Variants in FAM13A observed in about 807,000 individuals in gnomAD.
FAM13A encodes protein FAM13A.
FAM13A carries 76 observed loss-of-function variants against 129.6 expected under a neutral mutation model. That is an observed-to-expected ratio of 0.59 (90% CI 0.49 to 0.71). FAM13A has a LOEUF of 0.71. FAM13A is among the 30% of genes least tolerant of loss of function. The probability of loss-of-function intolerance (pLI) is 0.00; values close to 1 mark genes in which losing one functional copy is unlikely to be tolerated. For synonymous variants in FAM13A, 443 were observed against 449.9 expected (o/e 0.98, Z 0.20); for missense variants, 1,108 against 1,249.3 (o/e 0.89, Z 1.70).
At chr4:88,767,671 T>C (rs1284552449) in intron 12 of FAM13A, 76 bp from the exon 13 acceptor site, 1 of 1,178,506 alleles carries the variant, frequency 8.5e-7, no homozygotes, top group Admixed American at 2.4e-5. Context: ...ACTGATATTA[T>C]GATTTAATTT....
At chr4:89,037,630 A>G (rs1195558338) in intron 1 of FAM13A, among the ~76,000 whole-genome samples, 1 of 152,160 alleles carries the variant, frequency 6.6e-6, no homozygotes, top group African/African-American at 2.4e-5. Flanking sequence ...CATGAGATTT[A>G]AGAAGGGCCA....
At chr4:88,798,772 A>G (rs552392104) in intron 8 of FAM13A, among the ~76,000 whole-genome samples, 5 of 152,326 alleles carry the variant, frequency 3.3e-5, no homozygotes, top group Admixed American at 3.3e-4. Flanking sequence ...TATCAGGCAA[A>G]GGCAGTCTGC....
At chr4:89,013,796 ATTT>A (rs1459410735) in intron 3 of FAM13A, among the ~76,000 whole-genome samples, 12 of 152,238 alleles carry the variant, frequency 7.9e-5, no homozygotes, top group African/African-American at 2.9e-4. Context: ...GTATAACGAC[ATTT>A]CATTCAAGGT....
At chr4:89,055,557 A>T (rs962502286) in intron 1 of FAM13A, among the ~76,000 whole-genome samples, 1 of 152,184 alleles carries the variant, frequency 6.6e-6, no homozygotes, top group African/African-American at 2.4e-5. Context: ...TAAAGATCTA[A>T]TCAGACAATC....
chr4:88,785,381 G>C (rs555614077), intron 10 of FAM13A, among the ~76,000 whole-genome samples: 7 of 152,034 alleles, frequency 4.6e-5, no homozygotes, highest in Non-Finnish European at 1.0e-4. Flanking sequence ...ACTCTTGACT[G>C]TAGGCTATAT....
At chr4:88,908,499 C>T (rs1297408344) in intron 5 of FAM13A, among the ~76,000 whole-genome samples, 1 of 152,076 alleles carries the variant, frequency 6.6e-6, no homozygotes, top group African/African-American at 2.4e-5. Flanking sequence ...ATTCTTTCTT[C>T]CTTATGCAAA....
At chr4:88,785,039 T>C (rs1243796147) in intron 10 of FAM13A, among the ~76,000 whole-genome samples, 1 of 152,170 alleles carries the variant, frequency 6.6e-6, no homozygotes, top group African/African-American at 2.4e-5. Context: ...TTATTTGTAG[T>C]CTTTGTCTAT....
In FAM13A at chr4:88,965,580, AAC is replaced by A. The variant is rs750003167; in HGVS notation, c.605+25391_605+25392del. Among the ~76,000 whole-genome samples the A allele has an allele frequency of 3.1e-3, 470 of 152,320 alleles. 3 individuals carry two copies. The highest frequency in any genetic ancestry group is 4.2e-3 in the Non-Finnish European group (287 of 68,034). The stretch of plus-strand genomic sequence containing the variant: ...ATGTAGTTTTTTTAAGTTAAAAAAA[AAC>A]AAGATGAAATTTGCCATCTTAATAA... On this transcript the variant is annotated intron_variant, in intron 4 of 23. Transcript: ENST00000264344.
At chr4:88,872,808 C>T (rs1741657484) in intron 6 of FAM13A, among the ~76,000 whole-genome samples, 1 of 152,194 alleles carries the variant, frequency 6.6e-6, no homozygotes, top group Admixed American at 6.5e-5. Context: ...ATCTACAGAA[C>T]TCTCCACCTC....
chr4:88,951,146 T>C lies in FAM13A; in HGVS notation c.606-12905A>G, dbSNP rs140611655. ...TGTCACCCTGGACACCTGACCTCTC[T>C]GGAAACCTTCCCATTTTGAAAATCT... On this transcript the variant is annotated intron_variant, in intron 4 of 23. Coordinates refer to ENST00000264344, the MANE Select transcript of FAM13A (RefSeq NM_014883.4). Among the ~76,000 whole-genome samples, 471 of 152,286 alleles carry C rather than the reference T, an allele frequency of 3.1e-3. 2 individuals are homozygous for C. The highest frequency in any genetic ancestry group is 0.011 in the African/African-American group (453 of 41,564).
chr4:88,994,852 T>A (rs1046767541), intron 3 of FAM13A, among the ~76,000 whole-genome samples: 15 of 128,972 alleles, frequency 1.2e-4, no homozygotes, highest in African/African-American at 3.2e-4. Flanking sequence ...AAAAAAAAAA[T>A]TTCCTAATAA....
intron 6 of FAM13A, among the ~76,000 whole-genome samples, chr4:88,901,508 T>C (rs1397937131): frequency 1.3e-5 from 2 of 152,062 alleles, no homozygotes; most frequent in South Asian, 4.1e-4. Context: ...CACAACTACA[T>C]GGAAATTGAA....
At chr4:89,052,094 C>A in intron 1 of FAM13A, among the ~76,000 whole-genome samples, 1 of 151,856 alleles carries the variant, frequency 6.6e-6, no homozygotes, top group Non-Finnish European at 1.5e-5. Flanking sequence ...CCGGCAGAGA[C>A]AGCTCTATGT....
chr4:89,006,228 C>T (rs1764990196), intron 3 of FAM13A, among the ~76,000 whole-genome samples: 1 of 152,112 alleles, frequency 6.6e-6, no homozygotes, highest in African/African-American at 2.4e-5. Context: ...AGGTGTGCAG[C>T]CTTATTTCTG....
At chr4:88,758,280 G>GA (rs991539046) in intron 14 of FAM13A, among the ~76,000 whole-genome samples, 27 of 150,890 alleles carry the variant, frequency 1.8e-4, no homozygotes, top group East Asian at 7.8e-4. Context: ...TTGTTAACCT[G>GA]AAAAAAAAAT....
rs758281042 is a variant in FAM13A at position 89,020,599 on chromosome 4, G to A, written c.288C>T (p.Phe96=). The change falls in exon 3 of 24, where the codon TTC becomes TTT. Residue 96 remains phenylalanine, a synonymous_variant. Transcript: ENST00000264344. ...CGAGCTCCACGGGCACTCCACTCTC[G>A]AACTTCAGTCGAAGTTGTTCCACCA... The part of the protein sequence containing the change: ...VKVVEQLRLK[F]ESGVPVELGK... 10 of 1,613,820 alleles carry A rather than the reference G, an allele frequency of 6.2e-6. No individual in the cohort carries two copies. The African/African-American group carries it at 6.7e-5, about 11-fold the overall frequency.
chr4:88,939,852 A>G (rs1240480685), intron 4 of FAM13A, among the ~76,000 whole-genome samples: 2 of 152,310 alleles, frequency 1.3e-5, no homozygotes, highest in South Asian at 4.1e-4. Flanking sequence ...GTAAGATGCT[A>G]GGGTCCTTAG....
chr4:89,008,556 C>T (rs1312172187), intron 3 of FAM13A, among the ~76,000 whole-genome samples: 1 of 152,166 alleles, frequency 6.6e-6, no homozygotes, highest in African/African-American at 2.4e-5. Flanking sequence ...GTTATGGTGG[C>T]CCTAGCTGAT....
At chr4:88,810,476 T>C (rs1471782305) in intron 7 of FAM13A, among the ~76,000 whole-genome samples, 1 of 152,122 alleles carries the variant, frequency 6.6e-6, no homozygotes, top group Non-Finnish European at 1.5e-5. Flanking sequence ...CAGAGACAGA[T>C]ATGCACCCAG....
Sources: gnomAD v4.1 joint callset for allele counts (sites outside exome capture counted in the v4.1 genomes callset) on GRCh38, gnomAD v4.1.1 for gene constraint, MANE v1.5 for transcripts, NCBI Gene and HGNC (gene_info 2026-07-23, HGNC 2026-07-21) for gene names.